The following FLT1 variants were observed in gnomAD, a reference collection of about 807,000 sequenced individuals.
The protein encoded by FLT1 is fms related receptor tyrosine kinase 1, also known as vascular endothelial growth factor receptor 1.
In FLT1, 49 loss-of-function variants were observed where a neutral mutation model predicts 156.3. The ratio of observed to expected loss-of-function variants is 0.31; its 90% CI spans 0.25 to 0.40. The LOEUF (loss-of-function observed/expected upper bound fraction) is 0.40, where lower values mean the gene tolerates loss of function less well. Among genes scored for constraint, FLT1 ranks in the 10% least tolerant of loss-of-function variants. The pLI, the probability that FLT1 is intolerant of heterozygous loss-of-function variation, is 1.00. For missense variants in FLT1, 1,322 were observed against 1,637.2 expected, an observed-to-expected ratio of 0.81 and a Z score of 3.32; for synonymous variants, 594 against 583.8, an observed-to-expected ratio of 1.02 and a Z score of -0.25.
intron 3 of FLT1, among the ~76,000 whole-genome samples, chr13:28,448,145 A>G (rs1009030433): frequency 2.6e-5 from 4 of 152,262 alleles, no homozygotes; most frequent in African/African-American, 9.6e-5. Context: ...TGGAACTCTC[A>G]TCCACTGCTG....
chr13:28,419,608 G>A (rs1035997240), intron 10 of FLT1, among the ~76,000 whole-genome samples: 5 of 152,164 alleles, frequency 3.3e-5, no homozygotes, highest in African/African-American at 7.2e-5. Flanking sequence ...GGCCGGGTGC[G>A]GTGGCTCATG....
chr13:28,378,272 C>G (rs1203442758), intron 14 of FLT1, among the ~76,000 whole-genome samples: 2 of 152,156 alleles, frequency 1.3e-5, no homozygotes, highest in African/African-American at 2.4e-5. Flanking sequence ...TGGTCTCGAT[C>G]TCTTGACCTC....
At chr13:28,305,465 C>T (rs551140784) in intron 29 of FLT1, among the ~76,000 whole-genome samples, 1 of 152,310 alleles carries the variant, frequency 6.6e-6, no homozygotes, top group East Asian at 1.9e-4. Flanking sequence ...ACCTCAGCCT[C>T]CCAAAGTGTT....
At chr13:28,311,031 C>T (rs558301129) in intron 27 of FLT1, among the ~76,000 whole-genome samples, 41 of 152,290 alleles carry the variant, frequency 2.7e-4, no homozygotes, top group Middle Eastern at 3.4e-3. Context: ...AATCATAGCC[C>T]ACTGCAGCCT....
chr13:28,375,225 T>C (rs1873790708), intron 14 of FLT1, among the ~76,000 whole-genome samples: 1 of 152,244 alleles, frequency 6.6e-6, no homozygotes, highest in Admixed American at 6.5e-5. Context: ...AAATAGCTTC[T>C]ATTGCTTTCC....
intron 3 of FLT1, among the ~76,000 whole-genome samples, chr13:28,457,666 AT>A (rs1879339969): frequency 6.6e-6 from 1 of 152,082 alleles, no homozygotes; most frequent in East Asian, 1.9e-4. Flanking sequence ...CAAGGCAAGC[AT>A]TTCATTATCA....
At chr13:28,388,959 G>T in intron 13 of FLT1, 1 of 1,064,940 alleles carries the variant, frequency 9.4e-7, no homozygotes, top group Non-Finnish European at 1.1e-6. Context: ...CCCTTTGCTA[G>T]GCTAGTCTAC....
At chr13:28,448,815 T>C (rs1878761064) in intron 3 of FLT1, among the ~76,000 whole-genome samples, 1 of 152,214 alleles carries the variant, frequency 6.6e-6, no homozygotes, top group African/African-American at 2.4e-5. Context: ...GAAATGATGA[T>C]CCACTGTTTC....
In FLT1 at chr13:28,405,899, TAA is replaced by T. The variant is rs55955231; in HGVS notation, c.1437-7_1437-6del. ...TTATTGGAACAAAAGTCACACCTAT[TAA>T]AAAAAAAAGTTGTCACAATGTGGCT... On this transcript the variant is annotated splice_region_variant and splice_polypyrimidine_tract_variant and intron_variant, in intron 10 of 29. Transcript: ENST00000282397. 11 of 1,394,752 alleles carry T rather than the reference TAA, an allele frequency of 7.9e-6. No individual in the cohort carries two copies. The highest frequency in any genetic ancestry group is 3.6e-5 in the South Asian group (3 of 82,344). The allele number at this position is 1,394,752 out of a possible 1,614,324, so 86.4% of individuals were successfully genotyped here. A position where few individuals can be genotyped will look rare whatever the true frequency, so the allele number is the denominator to read the frequency against.
At chr13:28,429,999 C>T in intron 8 of FLT1, 51 bp downstream of exon 8, 2 of 1,206,912 alleles carry the variant, frequency 1.7e-6, no homozygotes, top group South Asian at 1.2e-5. Flanking sequence ...CTTGCAGCTT[C>T]CCACTTACAA....
At chr13:28,340,083 T>C (rs1872271908) in intron 16 of FLT1, among the ~76,000 whole-genome samples, 1 of 152,010 alleles carries the variant, frequency 6.6e-6, no homozygotes, top group Non-Finnish European at 1.5e-5. Context: ...GGTGTGGTGG[T>C]ACACACCTGT....
chr13:28,346,203 TC>T, intron 15 of FLT1: 1 of 152,834 alleles, frequency 6.5e-6, no homozygotes, highest in Non-Finnish European at 1.5e-5. Flanking sequence ...TGGACCTGAA[TC>T]CTTCCCAGTC....
chr13:28,352,308 A>T lies in FLT1; in HGVS notation c.2248+5246T>A, dbSNP rs932499781. Among the ~76,000 whole-genome samples, 5 of 152,178 alleles carry T rather than the reference A, an allele frequency of 3.3e-5. No individual in the cohort carries two copies. In the South Asian group the frequency reaches 1.0e-3, roughly 31 times the overall value. On this transcript the variant is annotated intron_variant, in intron 15 of 29. Transcript: ENST00000282397. ...AGGATTATTGCAAAACTTGAGTAGG[A>T]TTACGGATGTTATGTGCTTAAAATA...
chr13:28,486,364 C>T (rs1160389568), intron 1 of FLT1, among the ~76,000 whole-genome samples: 1 of 152,190 alleles, frequency 6.6e-6, no homozygotes, highest in Non-Finnish European at 1.5e-5. Context: ...GCCACCCTGC[C>T]TCCAACAGAT....
chr13:28,315,352 C>T (rs758924616), intron 25 of FLT1, among the ~76,000 whole-genome samples: 1 of 152,138 alleles, frequency 6.6e-6, no homozygotes, highest in Non-Finnish European at 1.5e-5. Context: ...CTCAGGAGTT[C>T]GAGACCAGCC....
chr13:28,479,467 G>A (rs541916613), intron 1 of FLT1, among the ~76,000 whole-genome samples: 2 of 152,034 alleles, frequency 1.3e-5, no homozygotes, highest in Admixed American at 6.6e-5. Flanking sequence ...TATCCTTCAC[G>A]TAGTAAGTAT....
chr13:28,337,729 T>C (rs1872176184), intron 17 of FLT1, among the ~76,000 whole-genome samples: 1 of 152,240 alleles, frequency 6.6e-6, no homozygotes, highest in South Asian at 2.1e-4. Flanking sequence ...AGGGGAATTC[T>C]GGTAGAAGGA....
chr13:28,434,179 G>A lies in FLT1; in HGVS notation c.555C>T (p.Ile185=), dbSNP rs950419374. The change falls in exon 5 of 30, where the codon ATC becomes ATT. Residue 185 remains isoleucine, a synonymous_variant. Coordinates refer to ENST00000282397, the MANE Select transcript of FLT1 (RefSeq NM_002019.4). ...DTLIPDGKRI[I]WDSRKGFIIS... ...TGATGAAGCCCTTTCTACTGTCCCAGATTATGCGTTTTCCATCAGGGATCA... is the reference window on the plus strand; with the variant it reads ...TGATGAAGCCCTTTCTACTGTCCCAAATTATGCGTTTTCCATCAGGGATCA... 73 of 1,613,968 alleles carry A rather than the reference G, an allele frequency of 4.5e-5. No homozygotes were observed. The highest frequency in any genetic ancestry group is 5.6e-5 in the Non-Finnish European group (66 of 1,180,010).
At chr13:28,427,123 T>C (rs780382026) in intron 10 of FLT1, 36 bp downstream of exon 10, 6 of 1,591,988 alleles carry the variant, frequency 3.8e-6, no homozygotes, top group South Asian at 2.2e-5. Context: ...TGTCAAAAAG[T>C]ATTTGAAAGT....
Sources: gnomAD v4.1 joint callset for allele counts (sites outside exome capture counted in the v4.1 genomes callset) on GRCh38, gnomAD v4.1.1 for gene constraint, MANE v1.5 for transcripts, NCBI Gene and HGNC (gene_info 2026-07-23, HGNC 2026-07-21) for gene names.